Variants in ADAMTS9 observed in about 807,000 individuals in gnomAD.
ADAMTS9 encodes the protein A disintegrin and metalloproteinase with thrombospondin motifs 9.
In ADAMTS9, 107 loss-of-function variants were observed where a neutral mutation model predicts 257.1. The observed-to-expected ratio is 0.42, with a 90% CI of 0.36 to 0.49. The LOEUF is 0.49. Among genes scored for constraint, ADAMTS9 ranks in the 20% least tolerant of loss-of-function variants. The pLI is 0.03. For missense variants in ADAMTS9, 2,353 were observed against 2,469.1 expected, an observed-to-expected ratio of 0.95 and a Z score of 1.00; for synonymous variants, 982 against 880.9, an observed-to-expected ratio of 1.11 and a Z score of -2.03.
intron 39 of ADAMTS9, among the ~76,000 whole-genome samples, chr3:64,518,753 A>G (rs1207877748): frequency 7.5e-6 from 1 of 133,428 alleles, no homozygotes; most frequent in African/African-American, 2.8e-5. Context: ...GGAATTTATC[A>G]TTACCTTTTC....
intron 28 of ADAMTS9, among the ~76,000 whole-genome samples, chr3:64,591,918 G>T (rs35946017): frequency 0.18 from 26,787 of 152,068 alleles, 2,978 homozygotes; most frequent in Non-Finnish European, 0.25. Context: ...ACTTTTTATT[G>T]TTGTTAGTTT....
At chr3:64,669,451 C>T (rs1316567833) in intron 3 of ADAMTS9, among the ~76,000 whole-genome samples, 2 of 152,140 alleles carry the variant, frequency 1.3e-5, no homozygotes, top group East Asian at 3.9e-4. Context: ...GCCATTCATT[C>T]TAGCTCCAAG....
chr3:64,592,525 T>A (rs2106785402), intron 28 of ADAMTS9: 1 of 152,312 alleles, frequency 6.6e-6, no homozygotes, highest in East Asian at 1.9e-4. Context: ...AAAAAAAATT[T>A]AGCGTATTTA....
chr3:64,685,358 C>T (rs905272009), intron 2 of ADAMTS9: 1 of 152,392 alleles, frequency 6.6e-6, no homozygotes, highest in Non-Finnish European at 1.5e-5. Flanking sequence ...CAAGGCCCCG[C>T]TTAGAAAAGG....
intron 11 of ADAMTS9, among the ~76,000 whole-genome samples, chr3:64,646,842 G>A (rs1700805181): frequency 6.6e-6 from 1 of 152,126 alleles, no homozygotes; most frequent in Non-Finnish European, 1.5e-5. Context: ...AAGCAGTAGA[G>A]GAAATGAGGG....
intron 37 of ADAMTS9, among the ~76,000 whole-genome samples, chr3:64,537,571 C>T (rs973169287): frequency 6.6e-6 from 1 of 151,342 alleles, no homozygotes; most frequent in African/African-American, 2.5e-5. Context: ...TCTTCTAAAG[C>T]TTGAGGCCGA....
At chr3:64,648,901 A>C (rs540234226) in intron 10 of ADAMTS9, among the ~76,000 whole-genome samples, 1 of 152,114 alleles carries the variant, frequency 6.6e-6, no homozygotes, top group Admixed American at 6.5e-5. Flanking sequence ...GCCATGAATC[A>C]AGTTTACTCA....
intron 3 of ADAMTS9, among the ~76,000 whole-genome samples, chr3:64,663,742 A>C (rs1248592160): frequency 6.6e-6 from 1 of 152,132 alleles, no homozygotes; most frequent in Non-Finnish European, 1.5e-5. Context: ...GGTGGCATGA[A>C]AATGTAAAAC....
At position 64,522,228 on chromosome 3, in the gene ADAMTS9, A is replaced by C. The variant is rs1485966680; in HGVS notation, c.5751T>G (p.Gly1917=). ...AGGATGGAGTGCATTTTCCACAGTA[A>C]CCACCGCATTTCCCTACGACTCGGG... The part of the protein sequence containing the change: ...DGTRVVGKCG[G]YCGKCTPSSG... The change falls in exon 39 of 40, where the codon GGT becomes GGG. Residue 1917 remains glycine, a synonymous_variant. Transcript: ENST00000498707. 6.2e-7 allele frequency: 1 copy of C among 1,614,018 alleles called. No homozygotes were observed. The highest frequency in any genetic ancestry group is 1.3e-5 in the African/African-American group (1 of 75,034).
chr3:64,538,161 ATAT>A (rs1468703544), intron 37 of ADAMTS9, among the ~76,000 whole-genome samples: 3 of 152,198 alleles, frequency 2.0e-5, no homozygotes, highest in Non-Finnish European at 4.4e-5. Context: ...CTTCTAGAAT[ATAT>A]TATTATCTCA....
chr3:64,654,689 T>C (rs1701019107), intron 6 of ADAMTS9, 77 bp from the exon 7 acceptor site: 2 of 1,526,170 alleles, frequency 1.3e-6, no homozygotes, highest in Non-Finnish European at 1.8e-6. Context: ...TAGGGTCGTC[T>C]AGGCATTCAC....
At chr3:64,627,165 G>A (rs946195312) in intron 16 of ADAMTS9, among the ~76,000 whole-genome samples, 2 of 152,176 alleles carry the variant, frequency 1.3e-5, no homozygotes, top group Non-Finnish European at 2.9e-5. Context: ...CATATGCAAA[G>A]AGTGATAGTC....
At chr3:64,649,858 C>A in intron 9 of ADAMTS9, 80 bp from the exon 10 acceptor site, 7 of 1,478,426 alleles carry the variant, frequency 4.7e-6, no homozygotes, top group Non-Finnish European at 5.5e-6. Context: ...AAAGGCCACC[C>A]CACCATTGTA....
chr3:64,621,059 T>C, intron 19 of ADAMTS9, 55 bp downstream of exon 19: 2 of 1,557,094 alleles, frequency 1.3e-6, no homozygotes, highest in Non-Finnish European at 1.7e-6. Flanking sequence ...TGCTGGGACC[T>C]CCTGCAAGAC....
At position 64,631,536 on chromosome 3, in the gene ADAMTS9, C is replaced by T. The variant is rs368585333; in HGVS notation, c.2308G>A (p.Val770Ile). 6.8e-6 allele frequency: 11 copies of T among 1,613,928 alleles called. No homozygotes were observed. Among genetic ancestry groups the T allele is most frequent in the South Asian group, 6.6e-5 (6 of 91,082 alleles). Residue 770 changes from valine to isoleucine, a missense_variant, in exon 16 of 40, where the codon GTC (valine) becomes ATC (isoleucine). Coordinates refer to ENST00000498707, the MANE Select transcript of ADAMTS9 (RefSeq NM_182920.2). ...NTVHYGYNTV[V>I]RIPAGATNID... The stretch of plus-strand genomic sequence containing the variant: ...TTGGTAGCACCAGCTGGAATTCGGA[C>T]CACAGTATTGTAACCTGAAAAGAAT...
intron 3 of ADAMTS9, among the ~76,000 whole-genome samples, chr3:64,662,131 T>C (rs1701238641): frequency 6.6e-6 from 1 of 152,046 alleles, no homozygotes; most frequent in Non-Finnish European, 1.5e-5. Flanking sequence ...TCATTTTCAT[T>C]CATCTCAAAA....
chr3:64,646,662 T>A (rs1700796522), intron 11 of ADAMTS9, among the ~76,000 whole-genome samples: 1 of 152,206 alleles, frequency 6.6e-6, no homozygotes, highest in Non-Finnish European at 1.5e-5. Flanking sequence ...AGTATCTTCA[T>A]TATAAGTTTT....
At chr3:64,681,169 C>A (rs1701744706) in intron 3 of ADAMTS9, 32 bp downstream of exon 3, 1 of 1,597,750 alleles carries the variant, frequency 6.3e-7, no homozygotes, top group African/African-American at 1.3e-5. Flanking sequence ...TCTCAAAGAG[C>A]TGGGCTCTCC....
intron 31 of ADAMTS9, among the ~76,000 whole-genome samples, chr3:64,549,098 C>T (rs1038630562): frequency 6.6e-6 from 1 of 152,184 alleles, no homozygotes; most frequent in African/African-American, 2.4e-5. Flanking sequence ...ATGCTGGTGC[C>T]AGTCCCTTTC....
Sources: gnomAD v4.1 joint callset for allele counts (sites outside exome capture counted in the v4.1 genomes callset) on GRCh38, gnomAD v4.1.1 for gene constraint, MANE v1.5 for transcripts, NCBI Gene and HGNC (gene_info 2026-07-23, HGNC 2026-07-21) for gene names.